BACH2: variants seen among roughly 807,000 people sequenced by gnomAD.
BACH2 encodes the protein transcription regulator protein BACH2.
In BACH2, 5 loss-of-function variants were observed where a neutral mutation model predicts 61.8. The observed-to-expected ratio is 0.08, with a 90% CI of 0.04 to 0.17. BACH2 has a LOEUF of 0.17. BACH2 is among the 10% of genes least tolerant of loss of function. The pLI, the probability that BACH2 is intolerant of heterozygous loss-of-function variation, is 1.00. For synonymous variants in BACH2, 446 were observed against 440.1 expected (o/e 1.01, Z -0.17); for missense variants, 824 against 1,091.1 (o/e 0.76, Z 3.45).
chr6:90,072,289 T>A (rs552550186), intron 5 of BACH2, among the ~76,000 whole-genome samples: 3 of 152,154 alleles, frequency 2.0e-5, no homozygotes, highest in Non-Finnish European at 4.4e-5. Flanking sequence ...ACTGTTTGAT[T>A]AGGTTAGAAA....
intron 4 of BACH2, among the ~76,000 whole-genome samples, chr6:90,104,875 G>A (rs951052601): frequency 6.6e-6 from 1 of 152,158 alleles, no homozygotes; most frequent in African/African-American, 2.4e-5. Flanking sequence ...GGTGTATGCT[G>A]GTTTCCCCCA....
intron 3 of BACH2, among the ~76,000 whole-genome samples, chr6:90,221,591 G>A (rs1250252493): frequency 6.6e-6 from 1 of 152,128 alleles, no homozygotes. Context: ...GACACCTAAT[G>A]GCAGAACAGC....
At chr6:90,054,738 G>C (rs989692122) in intron 5 of BACH2, among the ~76,000 whole-genome samples, 2 of 152,202 alleles carry the variant, frequency 1.3e-5, no homozygotes, top group African/African-American at 4.8e-5. Context: ...GAGGCGGGCT[G>C]ACACCTCACA....
chr6:89,936,268 A>G (rs1584498942), intron 8 of BACH2, among the ~76,000 whole-genome samples: 1 of 152,026 alleles, frequency 6.6e-6, no homozygotes, highest in South Asian at 2.1e-4. Flanking sequence ...CTAACTGGGG[A>G]CTCAGGAAAG....
chr6:90,100,680 T>A (rs895339526), intron 4 of BACH2, among the ~76,000 whole-genome samples: 3 of 53,104 alleles, frequency 5.6e-5, no homozygotes, highest in African/African-American at 1.9e-4. Flanking sequence ...CTTTCCTCTC[T>A]CTCTCTACAC....
chr6:90,085,306 G>C (rs945112349), intron 5 of BACH2, among the ~76,000 whole-genome samples: 3 of 152,082 alleles, frequency 2.0e-5, no homozygotes, highest in Non-Finnish European at 4.4e-5. Context: ...TGGAATCTAC[G>C]GGAAGTCTGC....
chr6:90,051,248 T>A (rs1780032008), intron 5 of BACH2, among the ~76,000 whole-genome samples: 2 of 152,206 alleles, frequency 1.3e-5, no homozygotes, highest in South Asian at 4.1e-4. Context: ...TCTGTGTTAC[T>A]GGTATATAAG....
chr6:89,934,420 G>A (rs368430178), intron 8 of BACH2, among the ~76,000 whole-genome samples: 1 of 152,134 alleles, frequency 6.6e-6, no homozygotes, highest in Admixed American at 6.5e-5. Flanking sequence ...AGCACTTTGC[G>A]GCTGAGATGG....
At chr6:89,947,652 G>C (rs182652318) in intron 7 of BACH2, among the ~76,000 whole-genome samples, 1 of 151,058 alleles carries the variant, frequency 6.6e-6, no homozygotes, top group Non-Finnish European at 1.5e-5. Context: ...TGCAAGCTCC[G>C]CCTCCCGGGC....
At chr6:90,071,812 G>A (rs1781239949) in intron 5 of BACH2, among the ~76,000 whole-genome samples, 1 of 152,200 alleles carries the variant, frequency 6.6e-6, no homozygotes, top group African/African-American at 2.4e-5. Flanking sequence ...TATGTTATAT[G>A]TATTATATAC....
At chr6:90,053,370 C>A (rs769597343) in intron 5 of BACH2, among the ~76,000 whole-genome samples, 1 of 152,106 alleles carries the variant, frequency 6.6e-6, no homozygotes, top group Non-Finnish European at 1.5e-5. Flanking sequence ...GTCTTCAACT[C>A]CTGTGCTCTA....
At chr6:89,934,530 G>A (rs3887833) in intron 8 of BACH2, among the ~76,000 whole-genome samples, 48,600 of 151,884 alleles carry the variant, frequency 0.32, 7,992 homozygotes, top group East Asian at 0.54. Context: ...GTGTTGGTGC[G>A]TGCTTATAAT....
At chr6:90,091,291 T>C (rs1224397843) in intron 4 of BACH2, among the ~76,000 whole-genome samples, 1 of 152,154 alleles carries the variant, frequency 6.6e-6, no homozygotes, top group East Asian at 1.9e-4. Flanking sequence ...CCTTTGAAAG[T>C]CCTATATTGA....
At chr6:89,946,361 C>CTG (rs1212636616) in intron 7 of BACH2, among the ~76,000 whole-genome samples, 3 of 152,164 alleles carry the variant, frequency 2.0e-5, no homozygotes, top group African/African-American at 7.2e-5. Context: ...ATTGGACACT[C>CTG]TAAGTTGCTG....
chr6:89,962,110 G>C (rs1774777852), intron 6 of BACH2, among the ~76,000 whole-genome samples: 2 of 149,468 alleles, frequency 1.3e-5, no homozygotes, highest in South Asian at 4.2e-4. Flanking sequence ...CTGATCTCTA[G>C]TCTTTTGACA....
intron 3 of BACH2, among the ~76,000 whole-genome samples, chr6:90,239,496 T>C (rs1299671967): frequency 6.6e-6 from 1 of 152,142 alleles, no homozygotes; most frequent in African/African-American, 2.4e-5. Context: ...AAGGTCCCCA[T>C]GAAACATTAA....
intron 3 of BACH2, among the ~76,000 whole-genome samples, chr6:90,240,469 T>A (rs1770413806): frequency 6.6e-6 from 1 of 152,200 alleles, no homozygotes; most frequent in South Asian, 2.1e-4. Context: ...TCATGATGTA[T>A]TTCATTAAAT....
At chr6:90,176,560 T>A (rs962321159) in intron 4 of BACH2, among the ~76,000 whole-genome samples, 9 of 151,994 alleles carry the variant, frequency 5.9e-5, no homozygotes, top group Admixed American at 5.9e-4. Context: ...TTGAAGTAGA[T>A]CAGGGAAACG....
intron 2 of BACH2, among the ~76,000 whole-genome samples, chr6:90,258,862 G>A (rs1771067767): frequency 1.3e-5 from 2 of 152,058 alleles, no homozygotes; most frequent in Admixed American, 1.3e-4. Context: ...CAAACAGACT[G>A]TAATTGGTAT....
Sources: gnomAD v4.1 joint callset for allele counts (sites outside exome capture counted in the v4.1 genomes callset) on GRCh38, gnomAD v4.1.1 for gene constraint, MANE v1.5 for transcripts, NCBI Gene and HGNC (gene_info 2026-07-23, HGNC 2026-07-21) for gene names.